The following KCNQ1 variants were observed in gnomAD, a reference collection of about 807,000 sequenced individuals.
KCNQ1 encodes the protein potassium voltage-gated channel subfamily Q member 1.
Under a neutral mutation model 72.4 loss-of-function variants are expected in KCNQ1, and 49 were observed. The ratio of observed to expected loss-of-function variants is 0.68; its 90% CI spans 0.54 to 0.86. KCNQ1 has a LOEUF of 0.86. Among genes scored for constraint, KCNQ1 ranks in the 40% least tolerant of loss-of-function variants. The pLI, the probability that KCNQ1 is intolerant of heterozygous loss-of-function variation, is 0.00. For missense variants in KCNQ1, 790 were observed against 945.1 expected (o/e 0.84, Z 2.15); for synonymous variants, 450 against 412.6 (o/e 1.09, Z -1.10).
chr11:2,461,286 G>C (rs1004908417), intron 1 of KCNQ1: 1 of 571,454 alleles, frequency 1.7e-6, no homozygotes, highest in African/African-American at 2.0e-5. Context: ...CCTTGGAGAG[G>C]ATGGCTTCTC....
rs539935020 is a variant in KCNQ1, at chr11:2,566,700, T to C, written c.478-3928T>C. On this transcript the variant is annotated intron_variant, in intron 2 of 15. Coordinates refer to ENST00000155840, the MANE Select transcript of KCNQ1 (RefSeq NM_000218.3). This position sits in a 1 kb window ranked among gnomAD's most constrained non-coding sequence, Gnocchi z 6.7. ...CAAGGACGGCTCTTCTTCTCGTATC[T>C]ACGGGGCAGAGCTCAGGGCCGCACT... is the stretch of plus-strand genomic sequence containing the variant. 9.9e-5 allele frequency among the ~76,000 whole-genome samples: 15 copies of C among 152,186 alleles called. No homozygotes were observed. The highest frequency in any genetic ancestry group is 3.6e-4 in the African/African-American group (15 of 41,534).
At chr11:2,502,464 G>A (rs1224457164) in intron 1 of KCNQ1, among the ~76,000 whole-genome samples, 2 of 151,866 alleles carry the variant, frequency 1.3e-5, no homozygotes, top group Non-Finnish European at 2.9e-5. Context: ...AAAATACCTA[G>A]GAATAAACTT....
At chr11:2,788,870 C>G (rs1846963070) in intron 15 of KCNQ1, among the ~76,000 whole-genome samples, 1 of 152,200 alleles carries the variant, frequency 6.6e-6, no homozygotes, top group South Asian at 2.1e-4. Context: ...CACCCTGTTC[C>G]TGCACAGGGG....
chr11:2,682,069 G>T lies in KCNQ1; in HGVS notation c.1514+19988G>T. On this transcript the variant is annotated intron_variant, in intron 11 of 15. Coordinates refer to ENST00000155840, the MANE Select transcript of KCNQ1 (RefSeq NM_000218.3). This position sits in a 1 kb window ranked among gnomAD's most constrained non-coding sequence, Gnocchi z 5.8. ...ATAGATAATCTCCTAAGGGTTGAGG[G>T]ATTGAGTCTAGGGCCCAGGGTCACA... is the stretch of plus-strand genomic sequence containing the variant. 2.5e-6 allele frequency: 1 copy of T among 398,576 alleles called. No homozygotes were observed. The allele number at this position is 398,576 out of a possible 1,614,324, so 24.7% of individuals were successfully genotyped here.
chr11:2,788,739 C>T (rs1481481129), intron 15 of KCNQ1, among the ~76,000 whole-genome samples: 1 of 152,322 alleles, frequency 6.6e-6, no homozygotes, highest in African/African-American at 2.4e-5. Context: ...CCTGAGGAGC[C>T]GTCTTAGTGG....
At chr11:2,641,215 C>T in intron 10 of KCNQ1, 1 of 398,398 alleles carries the variant, frequency 2.5e-6, no homozygotes, top group Non-Finnish European at 4.4e-6. Flanking sequence ...TGTCATATTT[C>T]TCTTTTTAGG....
Position 2,587,827 on chromosome 11 carries a change from C to T in KCNQ1, c.1251+135C>T, listed in dbSNP as rs1157605986. ...CCTGTGTCAGGGAGTCAGCATCGTT[C>T]GGGACACTGGGCCATACACCCGATG... On this transcript the variant is annotated intron_variant, in intron 9 of 15. Coordinates refer to ENST00000155840, the MANE Select transcript of KCNQ1 (RefSeq NM_000218.3). 1.4e-5 allele frequency: 18 copies of T among 1,262,262 alleles called. 1 individual carries two copies. The East Asian group carries it at 1.9e-4, about 14-fold the overall frequency. 78.2% of individuals were successfully genotyped at this position (1,262,262 alleles called of 1,614,324 possible). A position where few individuals can be genotyped will look rare whatever the true frequency, so the allele number is the denominator to read the frequency against.
At chr11:2,786,574 T>G (rs1846918764) in intron 15 of KCNQ1, among the ~76,000 whole-genome samples, 1 of 130,330 alleles carries the variant, frequency 7.7e-6, no homozygotes, top group African/African-American at 2.8e-5. Context: ...CCTTCATATC[T>G]CTTAACCTTT....
intron 12 of KCNQ1, among the ~76,000 whole-genome samples, chr11:2,775,620 GC>G (rs1298775690): frequency 6.6e-6 from 1 of 152,212 alleles, no homozygotes; most frequent in Non-Finnish European, 1.5e-5. Flanking sequence ...CCTTGGGGGG[GC>G]CAGCTCTTCC....
chr11:2,791,849 C>T (rs1458587916), intron 15 of KCNQ1, among the ~76,000 whole-genome samples: 1 of 152,218 alleles, frequency 6.6e-6, no homozygotes, highest in African/African-American at 2.4e-5. Context: ...CAGGTGGGGG[C>T]TTCCGCCTCA....
At chr11:2,708,237 G>A (rs375356643) in intron 11 of KCNQ1, among the ~76,000 whole-genome samples, 5 of 152,206 alleles carry the variant, frequency 3.3e-5, no homozygotes, top group South Asian at 2.1e-4. Flanking sequence ...TTCAGCAGCC[G>A]CTTTGGAGAC....
At chr11:2,819,565 A>T (rs1047682972) in intron 15 of KCNQ1, among the ~76,000 whole-genome samples, 1 of 152,242 alleles carries the variant, frequency 6.6e-6, no homozygotes. Flanking sequence ...TTTAGGTTTT[A>T]GCATCTGTGT....
intron 11 of KCNQ1, chr11:2,680,908 T>G: frequency 5.0e-6 from 2 of 398,630 alleles, no homozygotes; most frequent in East Asian, 7.1e-5. Context: ...CATTTTGGTA[T>G]GACCCAATTT....
intron 15 of KCNQ1, among the ~76,000 whole-genome samples, chr11:2,820,616 A>G (rs1434408616): frequency 2.6e-5 from 4 of 152,116 alleles, no homozygotes; most frequent in African/African-American, 4.8e-5. Context: ...GTGGTTTGTC[A>G]GTTTCTGAGA....
intron 11 of KCNQ1, among the ~76,000 whole-genome samples, chr11:2,708,452 C>T (rs548445484): frequency 1.3e-5 from 2 of 152,284 alleles, no homozygotes; most frequent in African/African-American, 2.4e-5. Flanking sequence ...ACCCACAGCC[C>T]CCGAGGAGGG....
intron 11 of KCNQ1, among the ~76,000 whole-genome samples, chr11:2,741,466 G>A (rs964911994): frequency 1.3e-5 from 2 of 152,176 alleles, no homozygotes; most frequent in African/African-American, 2.4e-5. Flanking sequence ...CGCATGCCCA[G>A]TGTGACCCCT....
intron 11 of KCNQ1, chr11:2,675,134 C>T (rs930590978): frequency 5.8e-5 from 23 of 398,622 alleles, no homozygotes; most frequent in Middle Eastern, 6.3e-4. Flanking sequence ...CCTCTTTCTC[C>T]CATCCTTCAC....
chr11:2,561,294 C>T (rs937491349), intron 2 of KCNQ1, among the ~76,000 whole-genome samples: 16 of 152,176 alleles, frequency 1.1e-4, no homozygotes, highest in African/African-American at 3.1e-4. Context: ...GGCCAGGTGA[C>T]GTGGAGGGCC....
At chr11:2,846,192 A>G (rs1848325136) in intron 15 of KCNQ1, among the ~76,000 whole-genome samples, 1 of 152,130 alleles carries the variant, frequency 6.6e-6, no homozygotes, top group Admixed American at 6.5e-5. Flanking sequence ...CCTGGAGTGC[A>G]CGGCCAGGTG....
Sources: allele counts gnomAD v4.1 joint callset (sites outside exome capture counted in the v4.1 genomes callset), GRCh38; gene constraint gnomAD v4.1.1; non-coding constraint Gnocchi (gnomAD v3.1); transcripts MANE v1.5; gene names NCBI Gene and HGNC (gene_info 2026-07-23, HGNC 2026-07-21).